PDE6C: variants seen among roughly 807,000 people sequenced by gnomAD.
PDE6C encodes the protein phosphodiesterase 6C, also known as cone cGMP-specific 3',5'-cyclic phosphodiesterase subunit alpha'.
A neutral mutation model predicts 113.1 loss-of-function variants in PDE6C; 75 were observed. The ratio of observed to expected loss-of-function variants is 0.66; its 90% CI spans 0.55 to 0.80. PDE6C has a LOEUF of 0.80. Ranked by LOEUF, PDE6C falls within the 30% of genes least tolerant of loss-of-function variation. The probability of loss-of-function intolerance (pLI) is 0.00; values close to 1 mark genes in which losing one functional copy is unlikely to be tolerated. For missense variants in PDE6C, 912 were observed against 1,038.6 expected (o/e 0.88, Z 1.67); for synonymous variants, 375 against 363.7 (o/e 1.03, Z -0.35).
rs781335106 is a variant in PDE6C at position 93,663,188 on chromosome 10, GCT to G, written c.2518+13_2518+14del. 43 of 1,612,320 alleles carry G rather than the reference GCT, an allele frequency of 2.7e-5. No individual in the cohort carries two copies. Among genetic ancestry groups the G allele is most frequent in the Admixed American group, 1.3e-4 (8 of 59,800 alleles). Reference sequence around the variant, plus strand: ...GGAGGAGCCGAAAAAGGTTAGATGGGCTCTGTTTTTGCTCCCTGTAATGTAGC... The same window carrying G: ...GGAGGAGCCGAAAAAGGTTAGATGGGCTGTTTTTGCTCCCTGTAATGTAGC... On this transcript the variant is annotated intron_variant, in intron 21 of 21. Transcript: ENST00000371447.
At chr10:93,623,814 C>T (rs2058459749) in intron 4 of PDE6C, among the ~76,000 whole-genome samples, 1 of 152,090 alleles carries the variant, frequency 6.6e-6, no homozygotes, top group Non-Finnish European at 1.5e-5. Flanking sequence ...TTCATTTGTC[C>T]ATTCTTTCAC....
At chr10:93,630,797 T>G (rs2058497669) in intron 8 of PDE6C, among the ~76,000 whole-genome samples, 2 of 152,292 alleles carry the variant, frequency 1.3e-5, no homozygotes, top group East Asian at 1.9e-4. Flanking sequence ...CTTCGTTACG[T>G]GCATCTGCCT....
intron 11 of PDE6C, among the ~76,000 whole-genome samples, chr10:93,639,167 C>T (rs181342626): frequency 2.6e-5 from 4 of 152,228 alleles, no homozygotes; most frequent in African/African-American, 4.8e-5. Context: ...ATCGTCTCTC[C>T]GCTTCCTTCT....
At chr10:93,640,267 ACT>A in intron 12 of PDE6C, 51 bp downstream of exon 12, 2 of 1,540,168 alleles carry the variant, frequency 1.3e-6, no homozygotes, top group Non-Finnish European at 1.8e-6. Context: ...GCTCTGCTTC[ACT>A]GATGTTTTCT....
In PDE6C at chr10:93,630,267, A is replaced by G. The variant is rs570873431; in HGVS notation, c.1119+962A>G. On this transcript the variant is annotated intron_variant, in intron 8 of 21. Coordinates refer to ENST00000371447, the MANE Select transcript of PDE6C (RefSeq NM_006204.4). ...CTGTATGTGCTACTCTACCTGACCC[A>G]CTTCTCCCCATCAGGGCTTCCTGCT... Among the ~76,000 whole-genome samples the G allele has an allele frequency of 2.6e-4, 40 of 151,508 alleles. No homozygotes were observed. The South Asian group carries it at 7.5e-3, about 29-fold the overall frequency.
In PDE6C at chr10:93,650,265, G is replaced by C. The variant is rs2058603726; in HGVS notation, c.1935+4218G>C. Among the ~76,000 whole-genome samples the C allele has an allele frequency of 2.0e-5, 3 of 151,872 alleles. No homozygotes were observed. In the South Asian group the frequency reaches 6.2e-4, roughly 31 times the overall value. ...TATCCATGATTCATTCCTTTTTTTAGAGATGGGGTCTTGCTCTGTTGCCAA... is the reference window on the plus strand; with the variant it reads ...TATCCATGATTCATTCCTTTTTTTACAGATGGGGTCTTGCTCTGTTGCCAA... On this transcript the variant is annotated intron_variant, in intron 15 of 21. Transcript: ENST00000371447.
At chr10:93,632,185 C>A (rs536391990) in intron 8 of PDE6C, among the ~76,000 whole-genome samples, 54 of 152,284 alleles carry the variant, frequency 3.5e-4, no homozygotes, top group Middle Eastern at 3.4e-3. Context: ...TTTAAGGATC[C>A]TTGTAATTAC....
At chr10:93,632,708 A>G (rs1016117799) in intron 8 of PDE6C, among the ~76,000 whole-genome samples, 1 of 152,224 alleles carries the variant, frequency 6.6e-6, no homozygotes, top group African/African-American at 2.4e-5. Flanking sequence ...GTAAGTACAT[A>G]AATATTTCTT....
chr10:93,635,022 A>G, intron 9 of PDE6C, 115 bp downstream of exon 9: 1 of 1,055,646 alleles, frequency 9.5e-7, no homozygotes, highest in Non-Finnish European at 1.4e-6. Context: ...CATGAGTCAC[A>G]CATAGCTGTA....
chr10:93,616,953 G>A (rs1234277388), intron 1 of PDE6C, among the ~76,000 whole-genome samples: 1 of 152,170 alleles, frequency 6.6e-6, no homozygotes, highest in African/African-American at 2.4e-5. Flanking sequence ...GAAACTGAGA[G>A]ATATCCTCTT....
intron 8 of PDE6C, among the ~76,000 whole-genome samples, chr10:93,634,389 TGTA>T (rs2058517739): frequency 6.6e-6 from 1 of 152,134 alleles, no homozygotes; most frequent in Admixed American, 6.5e-5. Context: ...AGGACAGTCT[TGTA>T]GTGATGGAAT....
intron 12 of PDE6C, 113 bp downstream of exon 12, chr10:93,640,329 C>G: frequency 7.8e-7 from 1 of 1,284,570 alleles, no homozygotes; most frequent in Non-Finnish European, 1.1e-6. Context: ...TATTAACTTT[C>G]TAAATACATC....
chr10:93,652,338 T>C (rs1415312566), intron 15 of PDE6C, among the ~76,000 whole-genome samples: 2 of 152,174 alleles, frequency 1.3e-5, no homozygotes, highest in Non-Finnish European at 2.9e-5. Context: ...TTAGAAGCTC[T>C]TCTTTCAAGA....
intron 15 of PDE6C, among the ~76,000 whole-genome samples, chr10:93,652,305 A>G (rs948147275): frequency 2.0e-5 from 3 of 152,224 alleles, no homozygotes; most frequent in South Asian, 2.1e-4. Context: ...ATATGAATCT[A>G]TATCCACAAC....
intron 1 of PDE6C, among the ~76,000 whole-genome samples, chr10:93,614,184 C>T (rs988888991): frequency 1.3e-5 from 2 of 152,150 alleles, no homozygotes; most frequent in Non-Finnish European, 2.9e-5. Flanking sequence ...TGAATGGGAA[C>T]AACTTGTGAA....
In PDE6C at chr10:93,613,047, C is replaced by A; in HGVS notation, c.322C>A (p.Pro108Thr). Residue 108 changes from proline to threonine, a missense_variant, in exon 1 of 22, where the codon CCT becomes ACT. Physicochemically the swap from Pro to Thr is conservative, Grantham distance 38. Transcript: ENST00000371447. ...MFLCRSRNGI[P>T]EVASRLLDVT... ...CCTGTGCCGGTCCCGGAACGGCATA[C>A]CTGAGGTGGCCTCTAGGTTGCTGGA... 2 of 1,614,198 alleles carry A rather than the reference C, an allele frequency of 1.2e-6. No individual in the cohort carries two copies. Among genetic ancestry groups the A allele is most frequent in the Non-Finnish European group, 1.7e-6 (2 of 1,180,044 alleles).
At chr10:93,622,669 T>G in intron 4 of PDE6C, among the ~76,000 whole-genome samples, 1 of 137,432 alleles carries the variant, frequency 7.3e-6, no homozygotes, top group Admixed American at 7.5e-5. Context: ...TTTGTTGTTT[T>G]TTTTTTTTTG....
chr10:93,639,935 T>C (rs112938136), intron 11 of PDE6C, 135 bp from the exon 12 acceptor site: 2 of 881,206 alleles, frequency 2.3e-6, no homozygotes, highest in Non-Finnish European at 3.8e-6. Context: ...ATCCAGTGCC[T>C]GGCACATGGT....
intron 8 of PDE6C, among the ~76,000 whole-genome samples, chr10:93,631,753 T>C (rs1564798833): frequency 6.6e-6 from 1 of 152,222 alleles, no homozygotes; most frequent in African/African-American, 2.4e-5. Flanking sequence ...GATTCCTTTT[T>C]GCACCTGAGA....
Sources: gnomAD v4.1 joint callset for allele counts (sites outside exome capture counted in the v4.1 genomes callset) on GRCh38, gnomAD v4.1.1 for gene constraint, MANE v1.5 for transcripts, NCBI Gene and HGNC (gene_info 2026-07-23, HGNC 2026-07-21) for gene names.